KREMEN1: variants seen among roughly 807,000 people sequenced by gnomAD.
KREMEN1 encodes kremen protein 1.
Under a neutral mutation model 46.5 loss-of-function variants are expected in KREMEN1, and 30 were observed. The observed-to-expected ratio is 0.65, with a 90% CI of 0.48 to 0.88. KREMEN1 has a LOEUF of 0.88. KREMEN1 is among the 40% of genes least tolerant of loss of function. The pLI is 0.00. For synonymous variants in KREMEN1, 214 were observed against 230.6 expected (o/e 0.93, Z 0.65); for missense variants, 533 against 596.9 (o/e 0.89, Z 1.11).
chr22:29,118,915 C>G (rs935108093), intron 3 of KREMEN1, among the ~76,000 whole-genome samples: 3 of 152,294 alleles, frequency 2.0e-5, no homozygotes, highest in Non-Finnish European at 4.4e-5. Flanking sequence ...GACTGCCCCC[C>G]ACTTCAGATG....
rs1300689300 is a variant in KREMEN1 at position 29,144,774 on chromosome 22, G to A, written c.*2662G>A. The A allele has an allele frequency of 1.5e-5, 15 of 985,426 alleles. No individual in the cohort carries two copies. The highest frequency in any genetic ancestry group is 1.8e-5 in the Non-Finnish European group (15 of 829,992). The allele number at this position is 985,426 out of a possible 1,614,324, so 61.0% of individuals were successfully genotyped here. A position where few individuals can be genotyped will look rare whatever the true frequency, so the allele number is the denominator to read the frequency against. On this transcript the variant is annotated 3_prime_UTR_variant, in exon 9 of 9. Coordinates refer to ENST00000400335, the MANE Select transcript of KREMEN1 (RefSeq NM_001039570.3). ...GACACTGACCACTGGCCTCTGGGGT[G>A]TCCTGCAGCCCAAATGCCCACCTTG...
In KREMEN1 at chr22:29,098,041, A is replaced by G. The variant is rs557490614; in HGVS notation, c.261-821A>G. Among the ~76,000 whole-genome samples the G allele has an allele frequency of 8.5e-5, 13 of 152,224 alleles. No individual in the cohort carries two copies. The South Asian group carries it at 2.7e-3, about 32-fold the overall frequency. On this transcript the variant is annotated intron_variant, in intron 2 of 8. Coordinates refer to ENST00000400335, the MANE Select transcript of KREMEN1 (RefSeq NM_001039570.3). ...TACTAAAAACAAAAATTAGTCAGGC[A>G]TGGCGGCGGGCACTTGTAGTCCCAG...
intron 3 of KREMEN1, among the ~76,000 whole-genome samples, chr22:29,100,216 A>C (rs905096970): frequency 1.3e-5 from 2 of 151,640 alleles, no homozygotes; most frequent in African/African-American, 2.4e-5. Flanking sequence ...CCTGGATTCA[A>C]GTGATTCTCC....
intron 1 of KREMEN1, among the ~76,000 whole-genome samples, chr22:29,078,650 C>A (rs1190396512): frequency 6.6e-6 from 1 of 152,112 alleles, no homozygotes; most frequent in East Asian, 1.9e-4. Flanking sequence ...TCTGAAAAAA[C>A]AAAATGAAAC....
In KREMEN1 at chr22:29,145,140, C is replaced by A; in HGVS notation, c.*3028C>A. ...AGCGACACCCCACAGAAGGCCACTG[C>A]GGCTAGGTAAACACCTGAGAAAGAA... On this transcript the variant is annotated 3_prime_UTR_variant, in exon 9 of 9. Transcript: ENST00000400335. The A allele has an allele frequency of 1.0e-6, 1 of 986,116 alleles. No individual in the cohort carries two copies. Among genetic ancestry groups the A allele is most frequent in the Non-Finnish European group, 1.2e-6 (1 of 830,226 alleles). The allele number at this position is 986,116 out of a possible 1,614,324, so 61.1% of individuals were successfully genotyped here. A position where few individuals can be genotyped will look rare whatever the true frequency, so the allele number is the denominator to read the frequency against.
chr22:29,157,179 G>T (rs2038970202), intron 9 of KREMEN1, among the ~76,000 whole-genome samples: 1 of 152,194 alleles, frequency 6.6e-6, no homozygotes, highest in South Asian at 2.1e-4. Flanking sequence ...TCCACGCAAA[G>T]ATTACAGTCA....
chr22:29,151,204 C>A (rs568773608), downstream of KREMEN1, among the ~76,000 whole-genome samples: 1 of 152,260 alleles, frequency 6.6e-6, no homozygotes, highest in East Asian at 1.9e-4. Context: ...CCAGAGACCC[C>A]CTGCCCCCTG....
intron 2 of KREMEN1, among the ~76,000 whole-genome samples, chr22:29,094,795 T>C (rs72500277): frequency 0.055 from 8,297 of 151,892 alleles, 279 homozygotes; most frequent in East Asian, 0.12. Context: ...GGCTAATTTT[T>C]CGTGTTTTTA....
chr22:29,094,049 A>C (rs2037840591), intron 1 of KREMEN1, among the ~76,000 whole-genome samples: 1 of 152,222 alleles, frequency 6.6e-6, no homozygotes, highest in Non-Finnish European at 1.5e-5. Flanking sequence ...GTCTGTAGAC[A>C]AGCTAGTGCC....
intron 3 of KREMEN1, among the ~76,000 whole-genome samples, chr22:29,101,649 T>C (rs1280840825): frequency 6.6e-6 from 1 of 151,624 alleles, no homozygotes; most frequent in South Asian, 2.1e-4. Context: ...ACCTTTTCTA[T>C]GTTTAGATAT....
chr22:29,131,256 T>C (rs1239932208), intron 5 of KREMEN1, among the ~76,000 whole-genome samples: 1 of 152,004 alleles, frequency 6.6e-6, no homozygotes, highest in Non-Finnish European at 1.5e-5. Context: ...AATTCATAGT[T>C]AGTACATGGT....
At position 29,146,344 on chromosome 22, in the gene KREMEN1, C is replaced by T. The variant is rs1482936246; in HGVS notation, c.*4232C>T. 1.0e-6 allele frequency: 1 copy of T among 985,912 alleles called. No individual in the cohort carries two copies. Among genetic ancestry groups the T allele is most frequent in the Non-Finnish European group, 1.2e-6 (1 of 829,968 alleles). The allele number at this position is 985,912 out of a possible 1,614,324, so 61.1% of individuals were successfully genotyped here. A position where few individuals can be genotyped will look rare whatever the true frequency, so the allele number is the denominator to read the frequency against. On this transcript the variant is annotated 3_prime_UTR_variant, in exon 9 of 9. Coordinates refer to ENST00000400335, the MANE Select transcript of KREMEN1 (RefSeq NM_001039570.3). ...GGACGGCTCCGGGGTGACAGGGCTT[C>T]ACCCTCTGCCTGCAGACCCCTGGTG...
intron 5 of KREMEN1, among the ~76,000 whole-genome samples, chr22:29,126,386 A>G (rs1408394293): frequency 2.0e-5 from 3 of 152,126 alleles, no homozygotes; most frequent in Non-Finnish European, 2.9e-5. Context: ...GCTCTCTCCA[A>G]AGTCTCCAGG....
At chr22:29,084,791 A>G (rs1438881390) in intron 1 of KREMEN1, among the ~76,000 whole-genome samples, 3 of 152,196 alleles carry the variant, frequency 2.0e-5, no homozygotes, top group South Asian at 4.1e-4. Flanking sequence ...TTCATCTCTT[A>G]GTAGAGATAG....
chr22:29,094,308 G>A lies in KREMEN1; in HGVS notation c.148G>A (p.Ala50Thr). 1 of 1,613,756 alleles carries A rather than the reference G, an allele frequency of 6.2e-7. No homozygotes were observed. The highest frequency in any genetic ancestry group is 1.1e-5 in the South Asian group (1 of 91,076). Residue 50 changes from alanine to threonine, a missense_variant, in exon 2 of 9, where the codon GCA becomes ACA. Ala to Thr is a moderately conservative substitution (Grantham distance 58). Coordinates refer to ENST00000400335, the MANE Select transcript of KREMEN1 (RefSeq NM_001039570.3). ...ADYRGTQNWT[A>T]LQGGKPCLFW... ...TTATAGGGGAACACAGAACTGGACA[G>A]CACTACAAGGCGGGAAGCCATGTCT... is the stretch of plus-strand genomic sequence containing the variant.
intron 1 of KREMEN1, among the ~76,000 whole-genome samples, chr22:29,080,333 C>T (rs2037634276): frequency 6.6e-6 from 1 of 152,240 alleles, no homozygotes; most frequent in Non-Finnish European, 1.5e-5. Context: ...CTCGTCTATA[C>T]AGGCCTTTTC....
At chr22:29,166,477 A>G (rs1295588054) in intron 9 of KREMEN1, among the ~76,000 whole-genome samples, 1 of 152,224 alleles carries the variant, frequency 6.6e-6, no homozygotes, top group African/African-American at 2.4e-5. Flanking sequence ...CCTCGAGCCT[A>G]AGCCTCGAAC....
chr22:29,137,499 C>T lies in KREMEN1; in HGVS notation c.789C>T (p.Ile263=). 1 of 1,610,706 alleles carries T rather than the reference C, an allele frequency of 6.2e-7. No individual in the cohort carries two copies. The highest frequency in any genetic ancestry group is 1.1e-5 in the South Asian group (1 of 91,000). The change falls in exon 6 of 9, where the codon ATC becomes ATT. Residue 263 remains isoleucine (I), a synonymous_variant. Coordinates refer to ENST00000400335, the MANE Select transcript of KREMEN1 (RefSeq NM_001039570.3). ...HIHFSFPLFD[I]RDSADMVELL... ...ACTTCAGCTTCCCCCTATTTGACAT[C>T]AGGGACTCGGCGGACATGGTGGAGC...
intron 9 of KREMEN1, among the ~76,000 whole-genome samples, chr22:29,158,360 T>A (rs1254285030): frequency 6.6e-6 from 1 of 152,130 alleles, no homozygotes; most frequent in East Asian, 1.9e-4. Context: ...CCAGCCAAGA[T>A]TCCTGGCTCA....
Sources: gnomAD v4.1 joint callset for allele counts (sites outside exome capture counted in the v4.1 genomes callset) on GRCh38, gnomAD v4.1.1 for gene constraint, MANE v1.5 for transcripts, NCBI Gene and HGNC (gene_info 2026-07-23, HGNC 2026-07-21) for gene names.